SPG11: variants seen among roughly 807,000 people sequenced by gnomAD.
The protein encoded by SPG11 is spatacsin.
In SPG11, 222 loss-of-function variants were observed where a neutral mutation model predicts 274.0. That is an observed-to-expected ratio of 0.81 (90% CI 0.73 to 0.91). The LOEUF (loss-of-function observed/expected upper bound fraction) is 0.91, where lower values mean the gene tolerates loss of function less well. Ranked by LOEUF, SPG11 falls within the 40% of genes least tolerant of loss-of-function variation. The probability of loss-of-function intolerance (pLI) is 0.00; values close to 1 mark genes in which losing one functional copy is unlikely to be tolerated. For synonymous variants in SPG11, 1,144 were observed against 1,039.7 expected (o/e 1.10, Z -1.93); for missense variants, 3,114 against 2,872.7 (o/e 1.08, Z -1.92).
At chr15:44,655,074 T>C (rs750257602) in intron 4 of SPG11, among the ~76,000 whole-genome samples, 1 of 152,198 alleles carries the variant, frequency 6.6e-6, no homozygotes, top group Non-Finnish European at 1.5e-5. Flanking sequence ...AAATGCCATG[T>C]GGTACTAATA....
chr15:44,566,744 G>A (rs371493311), intron 36 of SPG11, among the ~76,000 whole-genome samples: 23 of 152,244 alleles, frequency 1.5e-4, no homozygotes, highest in African/African-American at 5.3e-4. Context: ...TGTCACCTAC[G>A]CTGGAGTGCA....
chr15:44,585,152 C>T (rs1406389515), intron 29 of SPG11, among the ~76,000 whole-genome samples: 2 of 151,968 alleles, frequency 1.3e-5, no homozygotes, highest in Non-Finnish European at 2.9e-5. Context: ...ATTTCTCAAT[C>T]ATGGGAATTG....
At chr15:44,614,005 C>G (rs964333770) in intron 16 of SPG11, among the ~76,000 whole-genome samples, 7 of 152,110 alleles carry the variant, frequency 4.6e-5, no homozygotes, top group Non-Finnish European at 1.0e-4. Flanking sequence ...GATTGTGCCA[C>G]TGCACTCCAG....
At position 44,660,515 on chromosome 15, in the gene SPG11, A is replaced by C. The variant is rs764858234; in HGVS notation, c.359T>G (p.Leu120Trp). 4.3e-6 allele frequency: 7 copies of C among 1,614,182 alleles called. No individual in the cohort carries two copies. Among genetic ancestry groups the C allele is most frequent in the Non-Finnish European group, 5.9e-6 (7 of 1,180,018 alleles). ...NYELLIYEFN[L>W]KDGRCDATIL... ...GGTTGCATCACATCTTCCATCTTTCAAATTAAATTCATAGATAAGCAGTTC... is the reference window on the plus strand; with the variant it reads ...GGTTGCATCACATCTTCCATCTTTCCAATTAAATTCATAGATAAGCAGTTC... Residue 120 changes from leucine (L) to tryptophan (W), a missense_variant, in exon 2 of 40, where the codon TTG (leucine) becomes TGG (tryptophan). Leu to Trp is a moderately conservative substitution (Grantham distance 61). Transcript: ENST00000261866.
Position 44,610,931 on chromosome 15 carries a change from G to T in SPG11, c.3200C>A (p.Thr1067Asn). ...CATACTGCTTACACTGGCCTGATTGGTGGGAATCAAAATCTGAGCATTTGC... is the reference window on the plus strand; with the variant it reads ...CATACTGCTTACACTGGCCTGATTGTTGGGAATCAAAATCTGAGCATTTGC... ...SLANAQILIP[T>N]NQASVSSMLL... The change falls in exon 18 of 40, where the codon ACC (threonine) becomes AAC (asparagine). Residue 1067 changes from threonine to asparagine, a missense_variant. Coordinates refer to ENST00000261866, the MANE Select transcript of SPG11 (RefSeq NM_025137.4). 6.2e-7 allele frequency: 1 copy of T among 1,613,960 alleles called. No individual in the cohort carries two copies. Among genetic ancestry groups the T allele is most frequent in the South Asian group, 1.1e-5 (1 of 91,076 alleles).
chr15:44,640,263 T>C (rs1427264904), intron 7 of SPG11, among the ~76,000 whole-genome samples: 1 of 152,036 alleles, frequency 6.6e-6, no homozygotes, highest in Non-Finnish European at 1.5e-5. Context: ...AGTATTTAAA[T>C]ATACACACAA....
chr15:44,626,488 A>C lies in SPG11; in HGVS notation c.2087T>G (p.Ile696Ser), dbSNP rs150746549. ...LSFEEVIASA[I>S]LNNKIPEAQT... ...TGCCTCTGGTATTTTGTTGTTTAAA[A>C]TGGCGCTGGCAATAACTTCCTAGGA... The change falls in exon 11 of 40, where the codon ATT (isoleucine) becomes AGT (serine). Residue 696 changes from isoleucine to serine, a missense_variant. Physicochemically the swap from Ile to Ser is moderately radical, Grantham distance 142. Coordinates refer to ENST00000261866, the MANE Select transcript of SPG11 (RefSeq NM_025137.4). The C allele has an allele frequency of 6.8e-6, 11 of 1,613,816 alleles. No individual in the cohort carries two copies. In the African/African-American group the frequency reaches 1.3e-4, roughly 20 times the overall value.
intron 7 of SPG11, among the ~76,000 whole-genome samples, chr15:44,638,569 T>G (rs553661395): frequency 6.7e-5 from 10 of 149,826 alleles, no homozygotes; most frequent in Non-Finnish European, 1.5e-4. Flanking sequence ...GTACATTATA[T>G]TTCCTAGGAT....
Position 44,587,396 on chromosome 15 carries a change from G to T in SPG11, c.4907-1546C>A, listed in dbSNP as rs576053515. Among the ~76,000 whole-genome samples, 6 of 152,186 alleles carry T rather than the reference G, an allele frequency of 3.9e-5. No individual in the cohort carries two copies. In the South Asian group the frequency reaches 1.2e-3, roughly 32 times the overall value. ...CAATCATATAAAACACGTTTTTACA[G>T]AACATATTCCTGGCTGGGCACAGTG... On this transcript the variant is annotated intron_variant, in intron 28 of 39. Transcript: ENST00000261866.
At chr15:44,653,576 T>C (rs943434958) in intron 4 of SPG11, among the ~76,000 whole-genome samples, 2 of 152,072 alleles carry the variant, frequency 1.3e-5, no homozygotes, top group Admixed American at 1.3e-4. Flanking sequence ...GGAGATCAAG[T>C]AGGAGACTAT....
chr15:44,563,317 T>C lies in SPG11; in HGVS notation c.7152-16A>G. The C allele has an allele frequency of 6.2e-7, 1 of 1,606,760 alleles. No individual in the cohort carries two copies. Among genetic ancestry groups the C allele is most frequent in the Non-Finnish European group, 8.5e-7 (1 of 1,173,988 alleles). On this transcript the variant is annotated splice_polypyrimidine_tract_variant and intron_variant, in intron 39 of 39. Coordinates refer to ENST00000261866, the MANE Select transcript of SPG11 (RefSeq NM_025137.4). ...TTGTTTATATCTAGATAAAGAAACA[T>C]AATGTACAGGTTAAGATACTGTTTT...
At chr15:44,628,904 G>C in intron 9 of SPG11, 60 bp from the exon 10 acceptor site, 1 of 1,479,432 alleles carries the variant, frequency 6.8e-7, no homozygotes, top group Non-Finnish European at 9.4e-7. Context: ...ACCATGAGCT[G>C]TTATAAAGAA....
chr15:44,661,817 A>G (rs1281370485), intron 1 of SPG11, among the ~76,000 whole-genome samples: 1 of 152,232 alleles, frequency 6.6e-6, no homozygotes, highest in Non-Finnish European at 1.5e-5. Flanking sequence ...CAATATTAAA[A>G]AGACCTATGT....
chr15:44,647,392 AC>A (rs1372301996), intron 7 of SPG11, among the ~76,000 whole-genome samples: 2 of 152,208 alleles, frequency 1.3e-5, no homozygotes, highest in Non-Finnish European at 2.9e-5. Context: ...ATAATAAATG[AC>A]CCAGTAATTC....
chr15:44,622,586 A>T, intron 12 of SPG11, 142 bp downstream of exon 12: 1 of 802,966 alleles, frequency 1.2e-6, no homozygotes, highest in Non-Finnish European at 2.1e-6. Flanking sequence ...GGAAAAAAAG[A>T]TGAAGGGGTT....
chr15:44,563,415 T>C, intron 39 of SPG11, 114 bp from the exon 40 acceptor site: 1 of 888,960 alleles, frequency 1.1e-6, no homozygotes, highest in South Asian at 1.4e-5. Context: ...CTTGGCTCAC[T>C]GCAACCTCCA....
Position 44,592,501 on chromosome 15 carries a change from T to C in SPG11, c.4636-63A>G, listed in dbSNP as rs115758040. 2.7e-3 allele frequency: 2,537 copies of C among 944,828 alleles called. 45 individuals carry two copies. In the African/African-American group the frequency reaches 0.037, roughly 14 times the overall value. The allele number at this position is 944,828 out of a possible 1,614,324, so 58.5% of individuals were successfully genotyped here. A position where few individuals can be genotyped will look rare whatever the true frequency, so the allele number is the denominator to read the frequency against. The stretch of plus-strand genomic sequence containing the variant: ...AACTTAATATTTTTTCAATGAATAA[T>C]GCCAAATAAGAGAATGTTAAAAATG... On this transcript the variant is annotated intron_variant, in intron 26 of 39. Transcript: ENST00000261866.
chr15:44,598,695 AT>A lies in SPG11; in HGVS notation c.3827del (p.Asn1276IlefsTer2). 1 of 1,614,216 alleles carries A rather than the reference AT, an allele frequency of 6.2e-7. No individual in the cohort carries two copies. The highest frequency in any genetic ancestry group is 1.1e-5 in the South Asian group (1 of 91,082). On this transcript the variant is annotated frameshift_variant, in exon 22 of 40. Transcript: ENST00000261866. LOFTEE classifies it high-confidence loss of function. ...TTCTGCACTTGTAGCTCAAAATTAT[AT>A]TGGCCACTTTCATATCAACTCTGAG... ...LKLRVDMKVA[N>X]IILSYKCRNE...
intron 6 of SPG11, among the ~76,000 whole-genome samples, chr15:44,650,016 T>C (rs988826766): frequency 6.6e-6 from 1 of 152,214 alleles, no homozygotes; most frequent in Admixed American, 6.5e-5. Flanking sequence ...AAATAATTCA[T>C]AGCATATTCC....
Sources: gnomAD v4.1 joint callset for allele counts (sites outside exome capture counted in the v4.1 genomes callset) on GRCh38, gnomAD v4.1.1 for gene constraint, MANE v1.5 for transcripts, NCBI Gene and HGNC (gene_info 2026-07-23, HGNC 2026-07-21) for gene names.